Variants in ZGRF1 observed in about 807,000 individuals in gnomAD.
ZGRF1 encodes zinc finger GRF-type containing 1.
A neutral mutation model predicts 203.5 loss-of-function variants in ZGRF1; 196 were observed. The ratio of observed to expected loss-of-function variants is 0.96; its 90% confidence interval spans 0.86 to 1.08. ZGRF1 has a LOEUF of 1.08. Among genes scored for constraint, ZGRF1 ranks in the 50% least tolerant of loss-of-function variants. The pLI, the probability that ZGRF1 is intolerant of heterozygous loss-of-function variation, is 0.00. For synonymous variants in ZGRF1, 809 were observed against 841.3 expected, an observed-to-expected ratio of 0.96 and a Z score of 0.66; for missense variants, 2,326 against 2,416.3, an observed-to-expected ratio of 0.96 and a Z score of 0.78.
chr4:112,570,650 A>G (rs1232540157), intron 16 of ZGRF1, among the ~76,000 whole-genome samples: 1 of 152,142 alleles, frequency 6.6e-6, no homozygotes, highest in Admixed American at 6.5e-5. Context: ...CATAATGTCT[A>G]CCTATTACAT....
At chr4:112,550,347 G>T (rs1040501415) in intron 22 of ZGRF1, among the ~76,000 whole-genome samples, 5 of 151,714 alleles carry the variant, frequency 3.3e-5, no homozygotes, top group African/African-American at 1.2e-4. Context: ...GGTAAAAAAA[G>T]AAAAATTTTA....
Position 112,543,092 on chromosome 4 carries a change from T to C in ZGRF1, c.5599-1824A>G, listed in dbSNP as rs7441958. 2.0e-5 allele frequency among the ~76,000 whole-genome samples: 3 copies of C among 152,184 alleles called. No homozygotes were observed. The East Asian group carries it at 5.8e-4, about 29-fold the overall frequency. On this transcript the variant is annotated intron_variant, in intron 24 of 27. Transcript: ENST00000505019. ...TAATAATTGTGAACTAGTTCAAATA[T>C]ACAGAAAGCAAAGAAACAATATTAT...
intron 10 of ZGRF1, among the ~76,000 whole-genome samples, chr4:112,602,501 C>T (rs2149091857): frequency 6.6e-6 from 1 of 152,272 alleles, no homozygotes; most frequent in South Asian, 2.1e-4. Flanking sequence ...TAAATATATC[C>T]TATCCAGTGA....
chr4:112,547,592 TC>T (rs1739074458), intron 23 of ZGRF1, among the ~76,000 whole-genome samples, 184 bp from the exon 24 acceptor site: 1 of 152,208 alleles, frequency 6.6e-6, no homozygotes, highest in Admixed American at 6.5e-5. Flanking sequence ...CAATAAAGAA[TC>T]CTTTATATAA....
At chr4:112,617,034 G>C (rs970422011) in intron 6 of ZGRF1, among the ~76,000 whole-genome samples, 1 of 152,010 alleles carries the variant, frequency 6.6e-6, no homozygotes. Flanking sequence ...CTACTTGGGA[G>C]GCAGAGGTTG....
rs1476908109 is a variant in ZGRF1, at chr4:112,578,133, C to T, written c.4438+3530G>A. Among the ~76,000 whole-genome samples the T allele has an allele frequency of 3.8e-4, 46 of 122,544 alleles. 9 individuals carry two copies. Among genetic ancestry groups the T allele is most frequent in the Non-Finnish European group, 7.3e-5 (4 of 54,884 alleles). The allele number at this position is 122,544 out of a possible 152,430, so 80.4% of individuals were successfully genotyped here. On this transcript the variant is annotated intron_variant, in intron 16 of 27. Coordinates refer to ENST00000505019, the MANE Select transcript of ZGRF1 (RefSeq NM_018392.5). Reference sequence around the variant, plus strand: ...CAGCATTAAGAAACTCACTCAAAACCACTCAACTACATGGAAACTGAACAA... The same window carrying T: ...CAGCATTAAGAAACTCACTCAAAACTACTCAACTACATGGAAACTGAACAA...
chr4:112,603,849 C>A (rs1004639930), intron 9 of ZGRF1, 152 bp from the exon 10 acceptor site: 1 of 545,640 alleles, frequency 1.8e-6, no homozygotes, highest in Non-Finnish European at 3.1e-6. Context: ...CCGGGAAATT[C>A]TCCTATTATC....
At chr4:112,555,987 A>G (rs909861715) in intron 20 of ZGRF1, among the ~76,000 whole-genome samples, 1 of 151,952 alleles carries the variant, frequency 6.6e-6, no homozygotes, top group Admixed American at 6.6e-5. Flanking sequence ...AACAGTCTAC[A>G]GTTAAATTTT....
chr4:112,551,998 C>T (rs1740058938), intron 22 of ZGRF1, among the ~76,000 whole-genome samples: 3 of 152,228 alleles, frequency 2.0e-5, no homozygotes, highest in South Asian at 4.1e-4. Flanking sequence ...GTCAGGTCTT[C>T]CGGGCGCGGT....
chr4:112,606,521 C>T (rs1214959910), intron 8 of ZGRF1, among the ~76,000 whole-genome samples: 2 of 151,918 alleles, frequency 1.3e-5, no homozygotes, highest in African/African-American at 2.4e-5. Flanking sequence ...ATTAGCCTGG[C>T]GTGGTGGCAC....
At chr4:112,626,265 A>G (rs2047236812) in intron 3 of ZGRF1, among the ~76,000 whole-genome samples, 1 of 152,002 alleles carries the variant, frequency 6.6e-6, no homozygotes, top group South Asian at 2.1e-4. Context: ...ATCTCAATAA[A>G]GCTGTTAAAA....
In ZGRF1 at chr4:112,587,834, C is replaced by T. The variant is rs1747480298; in HGVS notation, c.3223G>A (p.Asp1075Asn). The change falls in exon 12 of 28, where the codon GAT becomes AAT. Residue 1075 changes from aspartate (D) to asparagine (N), a missense_variant. By Grantham distance (23) the Asp-to-Asn change is conservative. Transcript: ENST00000505019. ...QVPLITLPRT[D>N]GPPDLDSHSY... ...TGAGAGTCTAAGTCAGGTGGCCCATCAGTACGTGGCAAAGTAATAAGTGGA... is the reference window on the plus strand; with the variant it reads ...TGAGAGTCTAAGTCAGGTGGCCCATTAGTACGTGGCAAAGTAATAAGTGGA... The T allele has an allele frequency of 6.4e-7, 1 of 1,551,504 alleles. No individual in the cohort carries two copies.
In ZGRF1 at chr4:112,624,232, G is replaced by A. The variant is rs565476427; in HGVS notation, c.103-356C>T. On this transcript the variant is annotated intron_variant, in intron 3 of 27. Coordinates refer to ENST00000505019, the MANE Select transcript of ZGRF1 (RefSeq NM_018392.5). ...GAGGATATTAGAATGAAACTGGGAA[G>A]AGGCTGGGCATGGTGGTTCATGCCT... 2.6e-5 allele frequency among the ~76,000 whole-genome samples: 4 copies of A among 151,632 alleles called. No individual in the cohort carries two copies. In the South Asian group the frequency reaches 8.3e-4, roughly 32 times the overall value.
chr4:112,576,341 A>G (rs571212174), intron 16 of ZGRF1, among the ~76,000 whole-genome samples: 1 of 152,342 alleles, frequency 6.6e-6, no homozygotes, highest in East Asian at 1.9e-4. Context: ...AACAGAGCAG[A>G]AAAACTGGAA....
chr4:112,624,377 G>C (rs1042592580), intron 3 of ZGRF1, among the ~76,000 whole-genome samples: 1 of 151,762 alleles, frequency 6.6e-6, no homozygotes, highest in Non-Finnish European at 1.5e-5. Flanking sequence ...AGAATTGCTT[G>C]AACCCAGGTG....
At position 112,553,864 on chromosome 4, in the gene ZGRF1, GTTTAT is replaced by G. The variant is rs1371868801; in HGVS notation, c.5312_5316del (p.His1771ProfsTer5). 4 of 1,612,992 alleles carry G rather than the reference GTTTAT, an allele frequency of 2.5e-6. No individual in the cohort carries two copies. Among genetic ancestry groups the G allele is most frequent in the Non-Finnish European group, 3.4e-6 (4 of 1,179,630 alleles). On this transcript the variant is annotated frameshift_variant, in exon 22 of 28. Coordinates refer to ENST00000505019, the MANE Select transcript of ZGRF1 (RefSeq NM_018392.5). LOFTEE classifies it high-confidence loss of function. Reference sequence around the variant, plus strand: ...TTCAGCAGGGTTCTATTGGTCCCCAGTTTATGCTGCTCAATGCTTTTTCTCACATA... The same window carrying G: ...TTCAGCAGGGTTCTATTGGTCCCCAGGCTGCTCAATGCTTTTTCTCACATA...
At chr4:112,573,028 C>T (rs1744468580) in intron 16 of ZGRF1, among the ~76,000 whole-genome samples, 3 of 152,140 alleles carry the variant, frequency 2.0e-5, no homozygotes, top group South Asian at 4.1e-4. Flanking sequence ...TTTGATCCAA[C>T]AATCCCACTA....
chr4:112,541,241 G>C lies in ZGRF1; in HGVS notation c.5626C>G (p.Gln1876Glu), dbSNP rs368808540. The C allele has an allele frequency of 8.4e-5, 134 of 1,598,018 alleles. No individual in the cohort carries two copies. In the East Asian group the frequency reaches 1.8e-3, roughly 21 times the overall value. Reference protein sequence around the residue: ...MGHKPILLRTQYRCHPAISAI... With the variant: ...MGHKPILLRTEYRCHPAISAI... ...CTGATTGCAGGATGACAACGGTATT[G>C]AGTTCTCAATAGAATTGGCTTGTGA... The change falls in exon 25 of 28, where the codon CAA becomes GAA. Residue 1876 changes from glutamine to glutamate, a missense_variant. Transcript: ENST00000505019.
intron 19 of ZGRF1, among the ~76,000 whole-genome samples, chr4:112,560,138 T>G (rs1741686644): frequency 1.3e-5 from 2 of 152,198 alleles, no homozygotes; most frequent in Non-Finnish European, 2.9e-5. Context: ...GGTGGAGGTC[T>G]ATGAGAGAAA....
Sources: allele counts gnomAD v4.1 joint callset (sites outside exome capture counted in the v4.1 genomes callset), GRCh38; gene constraint gnomAD v4.1.1; transcripts MANE v1.5; gene names NCBI Gene and HGNC (gene_info 2026-07-23, HGNC 2026-07-21).